The following IFI16 variants were observed in gnomAD, a reference collection of about 807,000 sequenced individuals.
IFI16 encodes interferon gamma inducible protein 16.
A neutral mutation model predicts 68.4 loss-of-function variants in IFI16; 49 were observed. The ratio of observed to expected loss-of-function variants is 0.72; its 90% CI spans 0.57 to 0.91. The LOEUF is 0.91. IFI16 is among the 40% of genes least tolerant of loss of function. The pLI, the probability that IFI16 is intolerant of heterozygous loss-of-function variation, is 0.00. For missense variants in IFI16, 878 were observed against 942.9 expected (o/e 0.93, Z 0.90); for synonymous variants, 307 against 315.0 (o/e 0.97, Z 0.27).
At chr1:159,040,863 G>A (rs762243474) in intron 7 of IFI16, among the ~76,000 whole-genome samples, 9 of 152,184 alleles carry the variant, frequency 5.9e-5, no homozygotes, top group Middle Eastern at 3.2e-3. Flanking sequence ...GAACACTAGC[G>A]TTCATAGTTT....
chr1:159,032,828 A>G, intron 7 of IFI16, 137 bp downstream of exon 7: 1 of 707,602 alleles, frequency 1.4e-6, no homozygotes, highest in Non-Finnish European at 2.3e-6. Flanking sequence ...TCACTCAATC[A>G]TTTATTGAAT....
At chr1:159,001,423 C>T (rs1340967530), upstream of IFI16, among the ~76,000 whole-genome samples, 6 of 152,132 alleles carry the variant, frequency 3.9e-5, no homozygotes, top group African/African-American at 1.2e-4. Context: ...TTAATATGAA[C>T]TTATTATTTT....
chr1:159,017,652 G>A (rs1425714150), intron 4 of IFI16, among the ~76,000 whole-genome samples: 1 of 151,896 alleles, frequency 6.6e-6, no homozygotes, highest in African/African-American at 2.4e-5. Context: ...CTGTCACCCA[G>A]GCTGAAGTGC....
intron 7 of IFI16, among the ~76,000 whole-genome samples, chr1:159,038,456 C>T (rs1257431236): frequency 6.6e-6 from 1 of 152,132 alleles, no homozygotes; most frequent in African/African-American, 2.4e-5. Context: ...CCTCAGACAC[C>T]TGAGCTCAAG....
At chr1:159,023,574 G>A (rs192669816) in intron 6 of IFI16, among the ~76,000 whole-genome samples, 2 of 151,858 alleles carry the variant, frequency 1.3e-5, no homozygotes, top group Admixed American at 1.3e-4. Context: ...TAAACCTAAC[G>A]TTTAAAGGAC....
Position 159,054,937 on chromosome 1 carries a change from T to A in IFI16, c.*36T>A. The A allele has an allele frequency of 8.1e-7, 1 of 1,237,420 alleles. No individual in the cohort carries two copies. The highest frequency in any genetic ancestry group is 1.5e-5 in the African/African-American group (1 of 67,474). The allele number at this position is 1,237,420 out of a possible 1,614,324, so 76.7% of individuals were successfully genotyped here. A position where few individuals can be genotyped will look rare whatever the true frequency, so the allele number is the denominator to read the frequency against. On this transcript the variant is annotated 3_prime_UTR_variant, in exon 12 of 12. Transcript: ENST00000295809. ...TCATTGACGATAATGTTTATGGAGA[T>A]AAGGTCTAAGTGCCTAAAAAAATGT...
At chr1:159,004,659 C>T (rs906160152), upstream of IFI16, among the ~76,000 whole-genome samples, 10 of 152,172 alleles carry the variant, frequency 6.6e-5, no homozygotes, top group South Asian at 2.1e-4. Flanking sequence ...GAGCCGAGAT[C>T]GTGCCATCAC....
Position 159,030,021 on chromosome 1 carries a change from A to G in IFI16, c.1162-2503A>G, listed in dbSNP as rs66831955. Among the ~76,000 whole-genome samples the G allele has an allele frequency of 1.1e-4, 17 of 151,800 alleles. 1 individual carries two copies. Among genetic ancestry groups the G allele is most frequent in the Admixed American group, 1.1e-3 (17 of 15,264 alleles). On this transcript the variant is annotated intron_variant, in intron 6 of 11. Coordinates refer to ENST00000295809, the MANE Select transcript of IFI16 (RefSeq NM_001376587.1). ...TAATTCATTTTTCTTCATCTTTGTCAGATTGAGTTAATTCACAAGCCTTGT... is the reference window on the plus strand; with the variant it reads ...TAATTCATTTTTCTTCATCTTTGTCGGATTGAGTTAATTCACAAGCCTTGT...
chr1:159,035,645 A>C (rs199611824), intron 7 of IFI16, among the ~76,000 whole-genome samples: 2 of 88,086 alleles, frequency 2.3e-5, no homozygotes, highest in East Asian at 3.5e-4. Context: ...AGTGACTCGC[A>C]GGTGAGTATA....
chr1:159,028,778 C>T (rs1357684986), intron 6 of IFI16, among the ~76,000 whole-genome samples: 2 of 88,306 alleles, frequency 2.3e-5, no homozygotes, highest in Non-Finnish European at 4.2e-5. Context: ...TTTTTAACTG[C>T]TGTTGCTTTA....
At chr1:159,031,543 C>T (rs926416499) in intron 6 of IFI16, among the ~76,000 whole-genome samples, 5 of 152,168 alleles carry the variant, frequency 3.3e-5, no homozygotes, top group Non-Finnish European at 4.4e-5. Context: ...GTATTTCGCT[C>T]AGCTCTCTAA....
At chr1:159,000,494 T>C (rs1652015098) in intron 1 of IFI16, 1 of 152,732 alleles carries the variant, frequency 6.5e-6, no homozygotes, top group Non-Finnish European at 1.5e-5. Context: ...AGCAAGATAG[T>C]CCTTCTTCCT....
intron 1 of IFI16, among the ~76,000 whole-genome samples, chr1:159,011,733 G>A (rs1298154607): frequency 2.6e-5 from 4 of 151,936 alleles, no homozygotes; most frequent in African/African-American, 4.8e-5. Context: ...TAGATAAACT[G>A]GCTTTCTTTA....
chr1:159,001,357 T>C (rs763407201), upstream of IFI16, among the ~76,000 whole-genome samples: 7 of 152,176 alleles, frequency 4.6e-5, no homozygotes, highest in Non-Finnish European at 1.0e-4. Context: ...AACTGTGACT[T>C]TTAGGGGAGG....
Position 159,053,699 on chromosome 1 carries a change from G to A in IFI16, c.2252G>A (p.Arg751Lys), listed in dbSNP as rs148215169. ...AAAAGTGGGAATACCGGGGAGTTGA[G>A]ATCTGTAATTCATAGTCACATCAAG... is the stretch of plus-strand genomic sequence containing the variant. ...APKSGNTGELRSVIHSHIKVI... is the reference protein window; with the variant it reads ...APKSGNTGELKSVIHSHIKVI... Residue 751 changes from arginine (R) to lysine (K), a missense_variant, in exon 11 of 12, where the codon AGA becomes AAA. Coordinates refer to ENST00000295809, the MANE Select transcript of IFI16 (RefSeq NM_001376587.1). The A allele has an allele frequency of 4.3e-6, 7 of 1,613,616 alleles. No individual in the cohort carries two copies. In the African/African-American group the frequency reaches 8.0e-5, roughly 18 times the overall value.
At chr1:159,030,738 A>G (rs1201954478) in intron 6 of IFI16, among the ~76,000 whole-genome samples, 1 of 151,994 alleles carries the variant, frequency 6.6e-6, no homozygotes, top group Non-Finnish European at 1.5e-5. Context: ...AATTTTGTTT[A>G]TTGGGATAAT....
intron 7 of IFI16, among the ~76,000 whole-genome samples, chr1:159,041,007 C>A (rs1654601610): frequency 1.3e-5 from 2 of 152,188 alleles, no homozygotes; most frequent in South Asian, 4.1e-4. Flanking sequence ...ACTCTGCAGC[C>A]TTTCAGTGAT....
chr1:159,042,639 T>A (rs1379551084), intron 7 of IFI16, among the ~76,000 whole-genome samples: 5 of 152,252 alleles, frequency 3.3e-5, no homozygotes, highest in Non-Finnish European at 7.3e-5. Flanking sequence ...GAATAGATCA[T>A]ATTTTCTCAT....
intron 1 of IFI16, among the ~76,000 whole-genome samples, chr1:159,011,915 A>G (rs956968860): frequency 1.1e-4 from 16 of 152,168 alleles, no homozygotes; most frequent in African/African-American, 1.7e-4. Flanking sequence ...TGACACTTCT[A>G]TATCATCTCA....
Sources: allele counts gnomAD v4.1 joint callset (sites outside exome capture counted in the v4.1 genomes callset), GRCh38; gene constraint gnomAD v4.1.1; transcripts MANE v1.5; gene names NCBI Gene and HGNC (gene_info 2026-07-23, HGNC 2026-07-21).